Variants in CFAP52 observed in about 807,000 individuals in gnomAD.
CFAP52 encodes the protein cilia- and flagella-associated protein 52.
CFAP52 carries 57 observed loss-of-function variants against 70.5 expected under a neutral mutation model. The ratio of observed to expected loss-of-function variants is 0.81; its 90% confidence interval spans 0.65 to 1.01. CFAP52 has a LOEUF of 1.01. Ranked by LOEUF, CFAP52 falls within the 50% of genes least tolerant of loss-of-function variation. CFAP52 has a pLI of 0.00. For missense variants in CFAP52, 785 were observed against 788.5 expected (o/e 1.00, Z 0.05); for synonymous variants, 267 against 292.5 (o/e 0.91, Z 0.89).
intron 8 of CFAP52, among the ~76,000 whole-genome samples, chr17:9,614,881 G>T (rs543744116): frequency 6.6e-6 from 1 of 152,206 alleles, no homozygotes; most frequent in African/African-American, 2.4e-5. Context: ...GAATCACTGG[G>T]GTTAGGCCAG....
chr17:9,628,579 T>C (rs978973838), intron 8 of CFAP52, 93 bp from the exon 9 acceptor site: 1 of 1,509,290 alleles, frequency 6.6e-7, no homozygotes, highest in Admixed American at 2.0e-5. Context: ...GCCCAGCCTT[T>C]TCCTATATTT....
At chr17:9,622,552 A>AGAAG in intron 8 of CFAP52, among the ~76,000 whole-genome samples, 2 of 151,486 alleles carry the variant, frequency 1.3e-5, no homozygotes, top group African/African-American at 4.9e-5. Flanking sequence ...ATTAAAAAAA[A>AGAAG]AAGAAGAAGA....
intron 8 of CFAP52, among the ~76,000 whole-genome samples, chr17:9,615,898 C>T (rs1909888785): frequency 6.7e-6 from 1 of 149,768 alleles, no homozygotes; most frequent in Non-Finnish European, 1.5e-5. Flanking sequence ...CCTCGGCCTC[C>T]CAGAGCACAG....
At chr17:9,632,801 C>A in intron 9 of CFAP52, 87 bp from the exon 10 acceptor site, 2 of 1,532,748 alleles carry the variant, frequency 1.3e-6, no homozygotes, top group Non-Finnish European at 1.8e-6. Flanking sequence ...ACTCACCAGG[C>A]CTGCCTCTCC....
Position 9,629,534 on chromosome 17 carries a change from C to T in CFAP52, c.1174+714C>T, listed in dbSNP as rs11657546. 4.8e-5 allele frequency among the ~76,000 whole-genome samples: 7 copies of T among 146,626 alleles called. No homozygotes were observed. In the East Asian group the frequency reaches 5.9e-4, roughly 12 times the overall value. On this transcript the variant is annotated intron_variant, in intron 9 of 13. Coordinates refer to ENST00000352665, the MANE Select transcript of CFAP52 (RefSeq NM_145054.5). ...CTTTCTTTCTTCTTTCTTTTTTCTT[C>T]CTTGCTTGCTTGCTTTTTTTTTTTT...
chr17:9,624,190 C>T (rs1910154724), intron 8 of CFAP52, among the ~76,000 whole-genome samples: 1 of 151,912 alleles, frequency 6.6e-6, no homozygotes, highest in Non-Finnish European at 1.5e-5. Flanking sequence ...ATTTGTTAAA[C>T]TTTTTGAATC....
chr17:9,607,994 A>T, intron 6 of CFAP52, 125 bp from the exon 7 acceptor site: 2 of 648,770 alleles, frequency 3.1e-6, no homozygotes, highest in South Asian at 3.5e-5. Flanking sequence ...TTTCATTAAT[A>T]TTTAAAATTT....
chr17:9,580,796 A>G (rs1908190585), intron 1 of CFAP52, among the ~76,000 whole-genome samples: 1 of 152,174 alleles, frequency 6.6e-6, no homozygotes, highest in Non-Finnish European at 1.5e-5. Context: ...AGAATAAGAA[A>G]TGGTTCTCAA....
chr17:9,582,172 A>G lies in CFAP52; in HGVS notation c.71-3601A>G, dbSNP rs549335472. 2.0e-5 allele frequency among the ~76,000 whole-genome samples: 3 copies of G among 152,332 alleles called. No homozygotes were observed. The South Asian group carries it at 6.2e-4, about 32-fold the overall frequency. On this transcript the variant is annotated intron_variant, in intron 1 of 13. Transcript: ENST00000352665. ...TCTCTGGGCAGGTTGCACACCTAAG[A>G]ATAGAGTAGCTGGGTCCTGGGGCAT... is the stretch of plus-strand genomic sequence containing the variant.
intron 3 of CFAP52, among the ~76,000 whole-genome samples, chr17:9,589,446 G>C (rs1380218454): frequency 1.3e-5 from 2 of 151,960 alleles, no homozygotes; most frequent in African/African-American, 2.4e-5. Context: ...GATAATAAAT[G>C]TATTGGCCGG....
intron 8 of CFAP52, among the ~76,000 whole-genome samples, chr17:9,626,726 G>A (rs1281195607): frequency 6.6e-6 from 1 of 152,094 alleles, no homozygotes; most frequent in Non-Finnish European, 1.5e-5. Context: ...AAGACTGTCT[G>A]GCAAGAAGCC....
intron 2 of CFAP52, 127 bp from the exon 3 acceptor site, chr17:9,586,571 A>C: frequency 7.0e-5 from 42 of 596,350 alleles, no homozygotes; most frequent in Non-Finnish European, 8.6e-5. Context: ...GTCTCAACAA[A>C]AAAAAAAAAA....
At chr17:9,593,460 T>C in intron 3 of CFAP52, among the ~76,000 whole-genome samples, 1 of 152,180 alleles carries the variant, frequency 6.6e-6, no homozygotes, top group South Asian at 2.1e-4. Flanking sequence ...TTTTTGTTTT[T>C]GTTTTTTGTT....
rs140641061 is a variant in CFAP52 at position 9,641,761 on chromosome 17, G to A, written c.1613G>A (p.Arg538Lys). 5 of 1,613,872 alleles carry A rather than the reference G, an allele frequency of 3.1e-6. No individual in the cohort carries two copies. Among genetic ancestry groups the A allele is most frequent in the Non-Finnish European group, 4.2e-6 (5 of 1,179,910 alleles). The change falls in exon 13 of 14, where the codon AGA (arginine) becomes AAA (lysine). Residue 538 changes from arginine (R) to lysine (K), a missense_variant. Transcript: ENST00000352665. Reference sequence around the variant, plus strand: ...GAAGTATTTGATGGGACAGTAATCAGAGAATTGGAAGGTTCCCTGTCTGGG... The same window carrying A: ...GAAGTATTTGATGGGACAGTAATCAAAGAATTGGAAGGTTCCCTGTCTGGG... ...YWEVFDGTVIRELEGSLSGSI... is the reference protein window; with the variant it reads ...YWEVFDGTVIKELEGSLSGSI...
intron 6 of CFAP52, among the ~76,000 whole-genome samples, chr17:9,602,363 G>A (rs1016494355): frequency 1.4e-5 from 2 of 145,538 alleles, no homozygotes; most frequent in African/African-American, 2.5e-5. Flanking sequence ...TTATGAATGA[G>A]AACATGCGGT....
Position 9,586,680 on chromosome 17 carries a change from G to T in CFAP52, c.271-18G>T, listed in dbSNP as rs761359822. ...TTTAATGCCTCCCTATGATCTGACG[G>T]TGTGTTCTTGCCCCCAGGCAGACAT... On this transcript the variant is annotated intron_variant, in intron 2 of 13. Coordinates refer to ENST00000352665, the MANE Select transcript of CFAP52 (RefSeq NM_145054.5). 3 of 1,597,950 alleles carry T rather than the reference G, an allele frequency of 1.9e-6. No individual in the cohort carries two copies. The African/African-American group carries it at 4.1e-5, about 22-fold the overall frequency.
In CFAP52 at chr17:9,638,660, G is replaced by A. The variant is rs780893740; in HGVS notation, c.1524G>A (p.Val508=). 28 of 1,614,048 alleles carry A rather than the reference G, an allele frequency of 1.7e-5. No homozygotes were observed. Among genetic ancestry groups the A allele is most frequent in the South Asian group, 2.2e-5 (2 of 91,080 alleles). ...TAGCCAACACCTTATTCCAGTGTGT[G>A]TGCTATCACCCTGAGGAGTTCCAGA... The part of the protein sequence containing the change: ...MILANTLFQC[V]CYHPEEFQII... The change falls in exon 12 of 14, where the codon GTG becomes GTA. Residue 508 remains valine, a synonymous_variant. Transcript: ENST00000352665.
chr17:9,611,518 CTAATT>C (rs1226771815), intron 7 of CFAP52, among the ~76,000 whole-genome samples: 1 of 151,904 alleles, frequency 6.6e-6, no homozygotes, highest in African/African-American at 2.4e-5. Context: ...CCACACCTGG[CTAATT>C]TATTTTATTT....
intron 10 of CFAP52, 94 bp downstream of exon 10, chr17:9,633,127 G>T (rs1055578142): frequency 2.1e-6 from 3 of 1,434,988 alleles, no homozygotes; most frequent in Admixed American, 2.4e-5. Context: ...ACACACCTTT[G>T]CTAGTATTCA....
Sources: gnomAD v4.1 joint callset for allele counts (sites outside exome capture counted in the v4.1 genomes callset) on GRCh38, gnomAD v4.1.1 for gene constraint, MANE v1.5 for transcripts, NCBI Gene and HGNC (gene_info 2026-07-23, HGNC 2026-07-21) for gene names.